Variants in RGS12 observed in about 807,000 individuals in gnomAD.
RGS12 encodes the protein regulator of G protein signaling 12, also known as regulator of G-protein signaling 12.
In RGS12, 66 loss-of-function variants were observed where a neutral mutation model predicts 120.1. The observed-to-expected ratio is 0.55, with a 90% CI of 0.45 to 0.67. The LOEUF is 0.67. Among genes scored for constraint, RGS12 ranks in the 30% least tolerant of loss-of-function variants. The pLI is 0.00. For missense variants in RGS12, 1,859 were observed against 1,957.7 expected (o/e 0.95, Z 0.95); for synonymous variants, 827 against 804.7 (o/e 1.03, Z -0.47).
At chr4:3,431,618 G>A in intron 17 of RGS12, 1 of 985,624 alleles carries the variant, frequency 1.0e-6, no homozygotes. Context: ...ATGTTTCCGT[G>A]AGCCACAAAT....
chr4:3,412,929 C>A (rs1315337527), intron 4 of RGS12: 4 of 152,320 alleles, frequency 2.6e-5, no homozygotes, highest in Non-Finnish European at 4.4e-5. Flanking sequence ...TGGGCTCAGG[C>A]CAGGCCGGCC....
At chr4:3,338,963 C>T (rs1358753502) in intron 2 of RGS12, among the ~76,000 whole-genome samples, 1 of 152,200 alleles carries the variant, frequency 6.6e-6, no homozygotes. Context: ...ACGCTGGTCT[C>T]TCCCTGCTGT....
At chr4:3,370,664 T>C (rs377624768) in intron 3 of RGS12, among the ~76,000 whole-genome samples, 1 of 152,394 alleles carries the variant, frequency 6.6e-6, no homozygotes, top group East Asian at 1.9e-4. Flanking sequence ...TGTGAGTGAA[T>C]TGATTTTGTT....
rs763447323 is a variant in RGS12, at chr4:3,430,402, A to T, written c.3566-5A>T. The T allele has an allele frequency of 1.2e-6, 2 of 1,606,752 alleles. No homozygotes were observed. Among genetic ancestry groups the T allele is most frequent in the Admixed American group, 3.4e-5 (2 of 58,968 alleles). On this transcript the variant is annotated splice_region_variant and splice_polypyrimidine_tract_variant and intron_variant, in intron 16 of 17. Coordinates refer to ENST00000336727, the MANE Select transcript of RGS12 (RefSeq NM_001394154.1). ...ACACGGTCACTCTGGGTTTTCTTCC[A>T]ATAGAGTTTTTTGAGCTTATTTCCA...
intron 2 of RGS12, among the ~76,000 whole-genome samples, chr4:3,328,425 AGAGT>A (rs1204970653): frequency 6.6e-6 from 1 of 152,214 alleles, no homozygotes; most frequent in Non-Finnish European, 1.5e-5. Flanking sequence ...AGAAAACTAG[AGAGT>A]GGGTCTGTGA....
At chr4:3,403,372 A>G (rs571117175) in intron 4 of RGS12, among the ~76,000 whole-genome samples, 69 of 152,278 alleles carry the variant, frequency 4.5e-4, no homozygotes, top group African/African-American at 1.6e-3. Context: ...GCTCCTCTGC[A>G]GGGCTGTGAG....
chr4:3,431,788 G>C (rs1260232813), intron 17 of RGS12: 1 of 985,652 alleles, frequency 1.0e-6, no homozygotes, highest in Non-Finnish European at 1.2e-6. Context: ...GCTGTGGTTT[G>C]CTGCTGGGGG....
intron 3 of RGS12, among the ~76,000 whole-genome samples, chr4:3,375,868 C>A (rs191396347): frequency 6.6e-6 from 1 of 152,342 alleles, no homozygotes; most frequent in East Asian, 1.9e-4. Context: ...TCTTTCCTTG[C>A]GGGGGGTTGG....
At chr4:3,367,227 C>T (rs1716405664) in intron 3 of RGS12, among the ~76,000 whole-genome samples, 1 of 152,278 alleles carries the variant, frequency 6.6e-6, no homozygotes, top group Admixed American at 6.5e-5. Context: ...TGCCCACTTG[C>T]CGAGCTCACC....
In RGS12 at chr4:3,374,460, C is replaced by T. The variant is rs1202995460; in HGVS notation, c.1999-11956C>T. On this transcript the variant is annotated intron_variant, in intron 3 of 17. Transcript: ENST00000336727. This position sits in a 1 kb window ranked among gnomAD's most constrained non-coding sequence, Gnocchi z 6.3. ...CCTGGCCCTGCAGCAGACACTTCTG[C>T]CCTGGGCCCCGGTCTCAGTGACAGG... Among the ~76,000 whole-genome samples, 1 of 152,144 alleles carries T rather than the reference C, an allele frequency of 6.6e-6. No individual in the cohort carries two copies. The highest frequency in any genetic ancestry group is 1.9e-4 in the East Asian group (1 of 5,172).
intron 4 of RGS12, among the ~76,000 whole-genome samples, chr4:3,394,118 G>A (rs186832072): frequency 5.5e-4 from 83 of 152,092 alleles, no homozygotes; most frequent in Admixed American, 1.5e-3. Context: ...TCTGAACGTG[G>A]TGCCCTTCCA....
intron 11 of RGS12, 55 bp from the exon 12 acceptor site, chr4:3,422,850 C>A: frequency 6.7e-7 from 1 of 1,497,956 alleles, no homozygotes; most frequent in Non-Finnish European, 9.3e-7. Flanking sequence ...CGTGGGTCTG[C>A]GTTTGGGGGG....
intron 17 of RGS12, among the ~76,000 whole-genome samples, chr4:3,435,434 T>C (rs1237808853): frequency 6.6e-6 from 1 of 152,102 alleles, no homozygotes; most frequent in Non-Finnish European, 1.5e-5. Flanking sequence ...GCTGGTTTTC[T>C]TGGGGACACA....
chr4:3,429,769 C>T (rs967963996), intron 16 of RGS12, among the ~76,000 whole-genome samples: 4 of 152,206 alleles, frequency 2.6e-5, no homozygotes, highest in African/African-American at 7.2e-5. Context: ...CCTGGCCCCT[C>T]GGGGCTGTGG....
chr4:3,413,904 A>G (rs2109100724), intron 4 of RGS12, 168 bp from the exon 5 acceptor site: 2 of 659,816 alleles, frequency 3.0e-6, no homozygotes, highest in East Asian at 2.8e-5. Flanking sequence ...CCCTGTGTGT[A>G]GAATGCACTG....
At chr4:3,304,496 C>T (rs965491549) in intron 1 of RGS12, among the ~76,000 whole-genome samples, 11 of 152,196 alleles carry the variant, frequency 7.2e-5, no homozygotes, top group Admixed American at 2.0e-4. Context: ...TGGGGCTGCA[C>T]TGTAGAGCCC....
At chr4:3,391,404 T>G (rs960208823) in intron 4 of RGS12, among the ~76,000 whole-genome samples, 12 of 152,220 alleles carry the variant, frequency 7.9e-5, no homozygotes, top group African/African-American at 2.7e-4. Flanking sequence ...AGCAAACAAA[T>G]TCAAAGGTAA....
At position 3,403,680 on chromosome 4, in the gene RGS12, C is replaced by T. The variant is rs371386259; in HGVS notation, c.2021-10392C>T. Among the ~76,000 whole-genome samples, 20 of 152,362 alleles carry T rather than the reference C, an allele frequency of 1.3e-4. No homozygotes were observed. The East Asian group carries it at 2.5e-3, about 19-fold the overall frequency. ...TGAGATGCAGAGCTGGGCCGGCCTC[C>T]GCAGCCTGTGCTGCTTAAAGCAGAG... On this transcript the variant is annotated intron_variant, in intron 4 of 17. Transcript: ENST00000336727.
chr4:3,383,425 A>G (rs1467034899), intron 3 of RGS12, among the ~76,000 whole-genome samples: 16 of 152,138 alleles, frequency 1.1e-4, no homozygotes. Flanking sequence ...TGGGCAACAG[A>G]ATGAGACCCC....
Sources: allele counts gnomAD v4.1 joint callset (sites outside exome capture counted in the v4.1 genomes callset), GRCh38; gene constraint gnomAD v4.1.1; non-coding constraint Gnocchi (gnomAD v3.1); transcripts MANE v1.5; gene names NCBI Gene and HGNC (gene_info 2026-07-23, HGNC 2026-07-21).